Variants in PTPN12 observed in about 807,000 individuals in gnomAD.
PTPN12 encodes the protein tyrosine-protein phosphatase non-receptor type 12.
In PTPN12, 29 loss-of-function variants were observed where a neutral mutation model predicts 97.6. The observed-to-expected ratio is 0.30, with a 90% CI of 0.22 to 0.41. The LOEUF (loss-of-function observed/expected upper bound fraction) is 0.41. Among genes scored for constraint, PTPN12 ranks in the 10% least tolerant of loss-of-function variants. PTPN12 has a pLI of 1.00. For synonymous variants in PTPN12, 327 were observed against 300.4 expected (o/e 1.09, Z -0.91); for missense variants, 819 against 926.0 (o/e 0.88, Z 1.50).
intron 11 of PTPN12, 29 bp downstream of exon 11, chr7:77,611,075 G>A (rs1788553706): frequency 6.5e-7 from 1 of 1,532,366 alleles, no homozygotes. Flanking sequence ...TTAATTTTAG[G>A]AAACTTTTAC....
At position 77,564,765 on chromosome 7, in the gene PTPN12, T is replaced by G. The variant is rs1255815484; in HGVS notation, c.100-6313T>G. Among the ~76,000 whole-genome samples, 169 of 110,544 alleles carry G rather than the reference T, an allele frequency of 1.5e-3. 8 individuals are homozygous for G. The highest frequency in any genetic ancestry group is 5.4e-3 in the African/African-American group (159 of 29,410). 72.5% of individuals were successfully genotyped at this position (110,544 alleles called of 152,430 possible). On this transcript the variant is annotated intron_variant, in intron 1 of 17. Coordinates refer to ENST00000248594, the MANE Select transcript of PTPN12 (RefSeq NM_002835.4). Reference sequence around the variant, plus strand: ...TGTCGTGTTTTTTTTTTTTTTTTTTTTTTTTTTTTTTGAGACGGAATCTCG... The same window carrying G: ...TGTCGTGTTTTTTTTTTTTTTTTTTGTTTTTTTTTTTGAGACGGAATCTCG...
At chr7:77,587,940 C>CA in intron 5 of PTPN12, among the ~76,000 whole-genome samples, 1 of 152,188 alleles carries the variant, frequency 6.6e-6, no homozygotes, top group Non-Finnish European at 1.5e-5. Flanking sequence ...GCAGCTTCCT[C>CA]ACACTTTATA....
At chr7:77,635,990 G>A in intron 15 of PTPN12, 141 bp downstream of exon 15, 1 of 533,682 alleles carries the variant, frequency 1.9e-6, no homozygotes, top group Non-Finnish European at 3.1e-6. Context: ...CTTATACTAA[G>A]ATTTCAGATG....
chr7:77,611,569 T>A (rs1788570221), intron 11 of PTPN12, among the ~76,000 whole-genome samples: 1 of 152,164 alleles, frequency 6.6e-6, no homozygotes, highest in Non-Finnish European at 1.5e-5. Flanking sequence ...CTCAGCCTCC[T>A]GAGTAGCTGG....
At chr7:77,638,300 A>G (rs1789678710) in intron 16 of PTPN12, among the ~76,000 whole-genome samples, 1 of 152,098 alleles carries the variant, frequency 6.6e-6, no homozygotes. Flanking sequence ...AGTTGCAACT[A>G]TTCCCTTAGA....
At chr7:77,545,285 C>G (rs958574184) in intron 1 of PTPN12, among the ~76,000 whole-genome samples, 1 of 152,126 alleles carries the variant, frequency 6.6e-6, no homozygotes, top group African/African-American at 2.4e-5. Flanking sequence ...CTCATCCAGT[C>G]CATTCAACAC....
chr7:77,594,392 C>T (rs1787960717), intron 6 of PTPN12, among the ~76,000 whole-genome samples: 2 of 152,194 alleles, frequency 1.3e-5, no homozygotes, highest in African/African-American at 4.8e-5. Context: ...TGGGGAAATA[C>T]CAACCCTCCT....
intron 12 of PTPN12, among the ~76,000 whole-genome samples, chr7:77,620,467 T>C (rs1280958531): frequency 1.3e-5 from 2 of 152,238 alleles, no homozygotes; most frequent in African/African-American, 2.4e-5. Flanking sequence ...TGGAGTCAAA[T>C]GCCAGAATGT....
At chr7:77,566,439 T>A (rs891694107) in intron 1 of PTPN12, among the ~76,000 whole-genome samples, 3 of 152,072 alleles carry the variant, frequency 2.0e-5, no homozygotes, top group Non-Finnish European at 2.9e-5. Context: ...ACTTCTGGGG[T>A]AGGCTGGTGC....
rs78191020 is a variant in PTPN12 at position 77,613,189 on chromosome 7, T to A, written c.939+2143T>A. ...TGGGTTTTTTTTTTTTTTTTTTTTT[T>A]TTTGAGATGGAGTCTCGCTCTGTTG... On this transcript the variant is annotated intron_variant, in intron 11 of 17. Coordinates refer to ENST00000248594, the MANE Select transcript of PTPN12 (RefSeq NM_002835.4). 4.9e-5 allele frequency among the ~76,000 whole-genome samples: 7 copies of A among 143,676 alleles called. No individual in the cohort carries two copies. The East Asian group carries it at 1.0e-3, about 21-fold the overall frequency. 94.3% of individuals were successfully genotyped at this position (143,676 alleles called of 152,430 possible).
At chr7:77,538,336 A>G (rs1806766260) in intron 1 of PTPN12, among the ~76,000 whole-genome samples, 1 of 150,278 alleles carries the variant, frequency 6.7e-6, no homozygotes, top group Admixed American at 6.6e-5. Context: ...GGTTCAGGGG[A>G]TAAGTGTGGG....
At chr7:77,585,478 A>T (rs1278007864) in intron 4 of PTPN12, 65 bp from the exon 5 acceptor site, 6 of 1,424,814 alleles carry the variant, frequency 4.2e-6, no homozygotes, top group African/African-American at 1.4e-5. Flanking sequence ...TCTGTATTTT[A>T]TTAAAAAGTA....
At chr7:77,632,181 A>G (rs184043038) in intron 13 of PTPN12, among the ~76,000 whole-genome samples, 167 bp from the exon 14 acceptor site, 30 of 152,366 alleles carry the variant, frequency 2.0e-4, no homozygotes, top group African/African-American at 6.5e-4. Context: ...TTGCTCAATA[A>G]GCATCATAAT....
intron 1 of PTPN12, chr7:77,538,249 A>C: frequency 3.1e-6 from 1 of 320,290 alleles, no homozygotes. Flanking sequence ...GGTTTACCTA[A>C]TTTCCATTTA....
intron 2 of PTPN12, among the ~76,000 whole-genome samples, chr7:77,576,639 G>T (rs1018255681): frequency 6.6e-6 from 1 of 152,156 alleles, no homozygotes; most frequent in Non-Finnish European, 1.5e-5. Context: ...AGAGGTTGCA[G>T]TGAGCCAAGA....
chr7:77,538,038 G>T, intron 1 of PTPN12: 1 of 1,009,258 alleles, frequency 9.9e-7, no homozygotes, highest in Non-Finnish European at 1.2e-6. Flanking sequence ...CAGGAGGGTC[G>T]AGGCAAGGTA....
chr7:77,570,867 T>G (rs955553509), intron 1 of PTPN12, among the ~76,000 whole-genome samples: 3 of 152,238 alleles, frequency 2.0e-5, no homozygotes, highest in African/African-American at 7.2e-5. Context: ...GTTTTCCCTC[T>G]TTGCTGCTCA....
chr7:77,575,765 A>G (rs1787322488), intron 2 of PTPN12, among the ~76,000 whole-genome samples: 1 of 152,194 alleles, frequency 6.6e-6, no homozygotes, highest in Non-Finnish European at 1.5e-5. Context: ...GCAGCTGTTA[A>G]TCAGCTTTCT....
In PTPN12 at chr7:77,618,525, A is replaced by C. The variant is rs537602682; in HGVS notation, c.985A>C (p.Lys329Gln). 1.9e-5 allele frequency: 30 copies of C among 1,610,218 alleles called. No homozygotes were observed. In the South Asian group the frequency reaches 3.2e-4, roughly 17 times the overall value. The change falls in exon 12 of 18, where the codon AAA becomes CAA. Residue 329 changes from lysine to glutamine, a missense_variant. Around this residue, in one of 5 missense-constraint regions of PTPN12, gnomAD observed 607 missense variants for 577.3 expected, o/e 1.05. Transcript: ENST00000248594. ...ENMVSSIEPE[K>Q]QDSPPPKPPR... Reference sequence around the variant, plus strand: ...CATGGTCAGCTCCATAGAGCCTGAAAAACAAGATTCTCCTCCTCCAAAACC... The same window carrying C: ...CATGGTCAGCTCCATAGAGCCTGAACAACAAGATTCTCCTCCTCCAAAACC...
Sources: allele counts gnomAD v4.1 joint callset (sites outside exome capture counted in the v4.1 genomes callset), GRCh38; gene constraint gnomAD v4.1.1; regional missense constraint gnomAD v4.1.1; transcripts MANE v1.5; gene names NCBI Gene and HGNC (gene_info 2026-07-23, HGNC 2026-07-21).